Variants in SCMH1 observed in about 807,000 individuals in gnomAD.
SCMH1 encodes the protein polycomb protein SCMH1.
Under a neutral mutation model 70.8 loss-of-function variants are expected in SCMH1, and 37 were observed. The ratio of observed to expected loss-of-function variants is 0.52; its 90% CI spans 0.40 to 0.69. The LOEUF (loss-of-function observed/expected upper bound fraction) is 0.69. Among genes scored for constraint, SCMH1 ranks in the 30% least tolerant of loss-of-function variants. The pLI is 0.00. For synonymous variants in SCMH1, 292 were observed against 307.4 expected (o/e 0.95, Z 0.52); for missense variants, 607 against 827.3 (o/e 0.73, Z 3.27).
chr1:41,212,206 T>C (rs946453181), intron 1 of SCMH1, among the ~76,000 whole-genome samples: 1 of 152,120 alleles, frequency 6.6e-6, no homozygotes, highest in East Asian at 1.9e-4. Context: ...TTAGTATTTG[T>C]AAGTCACTCT....
rs552446992 is a variant in SCMH1, at chr1:41,214,555, T to C, written c.-118+27504A>G. On this transcript the variant is annotated intron_variant, in intron 1 of 14. Coordinates refer to ENST00000337495, the Ensembl canonical transcript of SCMH1. ...TTGAATAGTAGTTATTTAATAAACA[T>C]TTACCTAAGGAAAGAATGTGATCCT... Among the ~76,000 whole-genome samples the C allele has an allele frequency of 1.9e-3, 288 of 152,240 alleles. 1 individual carries two copies. Among genetic ancestry groups the C allele is most frequent in the African/African-American group, 6.7e-3 (277 of 41,570 alleles).
intron 1 of SCMH1, among the ~76,000 whole-genome samples, chr1:41,214,290 G>T (rs1383341682): frequency 6.6e-6 from 1 of 151,938 alleles, no homozygotes; most frequent in Non-Finnish European, 1.5e-5. Flanking sequence ...CTTTACTTGG[G>T]GTGGCGCTTT....
intron 1 of SCMH1, among the ~76,000 whole-genome samples, chr1:41,213,620 T>G (rs1046942333): frequency 5.3e-5 from 8 of 152,126 alleles, no homozygotes; most frequent in African/African-American, 1.9e-4. Context: ...TTACCCCCCA[T>G]TTATTACCAT....
intron 8 of SCMH1, among the ~76,000 whole-genome samples, chr1:41,083,008 A>G (rs1660493305): frequency 6.6e-6 from 1 of 152,224 alleles, no homozygotes; most frequent in East Asian, 1.9e-4. Context: ...ACAAACCCAC[A>G]GCCAATATCA....
intron 4 of SCMH1, chr1:41,159,634 CTACCACACATCAG>C (rs1199827384): frequency 7.4e-7 from 1 of 1,355,244 alleles, no homozygotes. Flanking sequence ...CATGTTTTTT[CTACCACACATCAG>C]TACCTTAAAA....
rs188978221 is a variant in SCMH1, at chr1:41,067,952, C to G, written c.1105+2643G>C. Among the ~76,000 whole-genome samples, 61 of 152,192 alleles carry G rather than the reference C, an allele frequency of 4.0e-4. No homozygotes were observed. The East Asian group carries it at 0.01, about 25-fold the overall frequency. ...TCTACCACTCAATTTTGCTGTGAAT[C>G]TAAAACTGCTCTAAAAAATAAAAGT... is the stretch of plus-strand genomic sequence containing the variant. On this transcript the variant is annotated intron_variant, in intron 10 of 14. Transcript: ENST00000337495.
At chr1:41,086,553 C>CCCCTG (rs71062573) in intron 8 of SCMH1, among the ~76,000 whole-genome samples, 16,353 of 151,844 alleles carry the variant, frequency 0.11, 1,233 homozygotes, top group East Asian at 0.28. Flanking sequence ...TTCCCCACTG[C>CCCCTG]CCCTGCCCTG....
At chr1:41,105,182 T>C (rs922594188) in intron 8 of SCMH1, among the ~76,000 whole-genome samples, 2 of 152,070 alleles carry the variant, frequency 1.3e-5, no homozygotes, top group African/African-American at 4.8e-5. Flanking sequence ...CAAGCTGGTC[T>C]TGAACTCTGG....
intron 2 of SCMH1, among the ~76,000 whole-genome samples, chr1:41,174,932 G>A (rs891033253): frequency 6.6e-6 from 1 of 152,146 alleles, no homozygotes; most frequent in Non-Finnish European, 1.5e-5. Flanking sequence ...TTGTATGCAG[G>A]ATAGCTGTTT....
intron 4 of SCMH1, among the ~76,000 whole-genome samples, chr1:41,157,029 T>A (rs1645618032): frequency 6.7e-6 from 1 of 148,160 alleles, no homozygotes; most frequent in East Asian, 2.0e-4. Context: ...CAATCATATC[T>A]CACTGTAACC....
chr1:41,134,371 C>T (rs1426840125), intron 6 of SCMH1, among the ~76,000 whole-genome samples: 1 of 152,166 alleles, frequency 6.6e-6, no homozygotes, highest in Non-Finnish European at 1.5e-5. Flanking sequence ...TCAAAACTGG[C>T]ACAAGACAAG....
chr1:41,161,703 G>A (rs1008901016), intron 2 of SCMH1, among the ~76,000 whole-genome samples: 1 of 152,166 alleles, frequency 6.6e-6, no homozygotes, highest in African/African-American at 2.4e-5. Context: ...TTTTGAAGCT[G>A]TTAAATTTTT....
chr1:41,143,143 G>T, intron 5 of SCMH1, 31 bp from the exon 6 acceptor site: 6 of 1,558,040 alleles, frequency 3.9e-6, no homozygotes, highest in Non-Finnish European at 5.3e-6. Context: ...GGTATAGACA[G>T]ATTAAGAGTA....
chr1:41,219,028 T>C (rs12119379), intron 1 of SCMH1, among the ~76,000 whole-genome samples: 9,029 of 148,512 alleles, frequency 0.061, 361 homozygotes, highest in South Asian at 0.12. Flanking sequence ...GGCTGGGGCT[T>C]TGAACCAGCC....
At chr1:41,156,609 T>C (rs1180862287) in intron 4 of SCMH1, among the ~76,000 whole-genome samples, 1 of 152,052 alleles carries the variant, frequency 6.6e-6, no homozygotes. Flanking sequence ...TAGCTAATTT[T>C]TGTATTTTTT....
intron 6 of SCMH1, among the ~76,000 whole-genome samples, chr1:41,130,431 G>C (rs950020959): frequency 3.3e-5 from 5 of 151,690 alleles, no homozygotes; most frequent in Non-Finnish European, 4.4e-5. Context: ...CTGTGCTTTT[G>C]GTGTCATATT....
At chr1:41,224,975 T>C (rs1405925879) in intron 1 of SCMH1, among the ~76,000 whole-genome samples, 1 of 152,184 alleles carries the variant, frequency 6.6e-6, no homozygotes, top group East Asian at 1.9e-4. Context: ...TCTTATACTT[T>C]TTCCAGAGGG....
intron 4 of SCMH1, among the ~76,000 whole-genome samples, chr1:41,155,009 G>C (rs1645392211): frequency 1.3e-5 from 2 of 152,152 alleles, no homozygotes; most frequent in Admixed American, 1.3e-4. Context: ...ATAAAATGAG[G>C]TGATGTGATA....
At chr1:41,215,807 T>A (rs1169183225) in intron 1 of SCMH1, among the ~76,000 whole-genome samples, 1 of 152,202 alleles carries the variant, frequency 6.6e-6, no homozygotes, top group Non-Finnish European at 1.5e-5. Flanking sequence ...CTAAGGGATG[T>A]CTCATTCATG....
Sources: allele counts gnomAD v4.1 joint callset (sites outside exome capture counted in the v4.1 genomes callset), GRCh38; gene constraint gnomAD v4.1.1; transcripts MANE v1.5; gene names NCBI Gene and HGNC (gene_info 2026-07-23, HGNC 2026-07-21).